Variants in KCNIP4 observed in about 807,000 individuals in gnomAD.
KCNIP4 encodes Kv channel-interacting protein 4.
A neutral mutation model predicts 34.0 loss-of-function variants in KCNIP4; 12 were observed. That is an observed-to-expected ratio of 0.35 (90% CI 0.23 to 0.57). The LOEUF (loss-of-function observed/expected upper bound fraction) is 0.57, where lower values mean the gene tolerates loss of function less well. KCNIP4 is among the 20% of genes least tolerant of loss of function. The probability of loss-of-function intolerance (pLI) is 0.83; values close to 1 mark genes in which losing one functional copy is unlikely to be tolerated. For synonymous variants in KCNIP4, 124 were observed against 102.2 expected (o/e 1.21, Z -1.29); for missense variants, 238 against 311.7 (o/e 0.76, Z 1.78).
rs561780416 is a variant in KCNIP4 at position 21,578,937 on chromosome 4, T to C, written c.61+369634A>G. 5.3e-5 allele frequency among the ~76,000 whole-genome samples: 8 copies of C among 152,290 alleles called. No individual in the cohort carries two copies. In the South Asian group the frequency reaches 1.7e-3, roughly 32 times the overall value. On this transcript the variant is annotated intron_variant, in intron 1 of 8. Transcript: ENST00000382152. ...GCATGCTGCAGGTGCTTAACAAATATCAGTAGAATGACAGACTCGGTCAAT... is the reference window on the plus strand; with the variant it reads ...GCATGCTGCAGGTGCTTAACAAATACCAGTAGAATGACAGACTCGGTCAAT...
At chr4:20,958,034 C>G (rs545706486) in intron 1 of KCNIP4, among the ~76,000 whole-genome samples, 2 of 152,182 alleles carry the variant, frequency 1.3e-5, no homozygotes, top group Non-Finnish European at 2.9e-5. Flanking sequence ...TTCAAATCAT[C>G]GAGCCAGGCA....
At chr4:20,900,358 C>T (rs1267251040) in intron 1 of KCNIP4, among the ~76,000 whole-genome samples, 1 of 152,122 alleles carries the variant, frequency 6.6e-6, no homozygotes, top group Non-Finnish European at 1.5e-5. Flanking sequence ...GGAGTGTGTA[C>T]ATTAACCTGG....
chr4:21,170,694 G>T (rs1753960213), intron 1 of KCNIP4, among the ~76,000 whole-genome samples: 1 of 152,094 alleles, frequency 6.6e-6, no homozygotes, highest in African/African-American at 2.4e-5. Context: ...AAGATGAATT[G>T]CTGGGGTTTT....
rs1720285500 is a variant in KCNIP4 at position 21,370,803 on chromosome 4, AT to A, written c.62-488095del. On this transcript the variant is annotated intron_variant, in intron 1 of 8. Coordinates refer to ENST00000382152, the MANE Select transcript of KCNIP4 (RefSeq NM_025221.6). Reference sequence around the variant, plus strand: ...CAGACAGGAGGTCATGGATTGAAATATATATATATATATATATATATATATA... The same window carrying A: ...CAGACAGGAGGTCATGGATTGAAATAATATATATATATATATATATATATA... Among the ~76,000 whole-genome samples the A allele has an allele frequency of 2.7e-3, 11 of 4,028 alleles. No homozygotes were observed. The South Asian group carries it at 0.068, about 25-fold the overall frequency. 2.6% of individuals were successfully genotyped at this position (4,028 alleles called of 152,430 possible).
At chr4:21,650,873 T>C (rs1176734345) in intron 1 of KCNIP4, among the ~76,000 whole-genome samples, 1 of 152,144 alleles carries the variant, frequency 6.6e-6, no homozygotes, top group East Asian at 1.9e-4. Flanking sequence ...TTCTTTGCAA[T>C]TGTAAGACAA....
intron 1 of KCNIP4, among the ~76,000 whole-genome samples, chr4:21,603,181 T>G (rs185205142): frequency 4.5e-4 from 68 of 152,310 alleles, no homozygotes; most frequent in African/African-American, 1.6e-3. Context: ...TGAGCATTTA[T>G]TTACTAACTT....
At chr4:21,834,600 A>C (rs1723201517) in intron 1 of KCNIP4, among the ~76,000 whole-genome samples, 1 of 152,070 alleles carries the variant, frequency 6.6e-6, no homozygotes. Context: ...CTCTTGCCTA[A>C]TTGCCCTGGC....
chr4:21,286,548 T>C (rs974410812), intron 1 of KCNIP4, among the ~76,000 whole-genome samples: 3 of 152,174 alleles, frequency 2.0e-5, no homozygotes, highest in Non-Finnish European at 4.4e-5. Context: ...TTTTAAACTA[T>C]AGCCAGAAAC....
chr4:21,588,179 T>G (rs1741797769), intron 1 of KCNIP4, among the ~76,000 whole-genome samples: 2 of 152,062 alleles, frequency 1.3e-5, no homozygotes, highest in Admixed American at 1.3e-4. Context: ...ACCAACATTA[T>G]TTTTCTTTTA....
intron 1 of KCNIP4, among the ~76,000 whole-genome samples, chr4:21,271,667 C>A (rs1762150453): frequency 6.6e-6 from 1 of 152,042 alleles, no homozygotes; most frequent in African/African-American, 2.4e-5. Context: ...CCCCCAGGTG[C>A]TTTGGGGCTA....
At chr4:21,111,504 CCTT>C (rs1352316680) in intron 1 of KCNIP4, among the ~76,000 whole-genome samples, 1 of 152,180 alleles carries the variant, frequency 6.6e-6, no homozygotes, top group Admixed American at 6.5e-5. Flanking sequence ...CCTTTGAAGT[CCTT>C]CTCATCTAGA....
At chr4:21,370,802 TA>T (rs1388894767) in intron 1 of KCNIP4, among the ~76,000 whole-genome samples, 1 of 4,150 alleles carries the variant, frequency 2.4e-4, no homozygotes, top group African/African-American at 1.5e-3. Context: ...TGGATTGAAA[TA>T]TATATATATA....
At chr4:21,212,412 G>A in intron 1 of KCNIP4, among the ~76,000 whole-genome samples, 1 of 152,072 alleles carries the variant, frequency 6.6e-6, no homozygotes, top group East Asian at 1.9e-4. Flanking sequence ...GTCTCCCTTT[G>A]TGTTATTACA....
chr4:21,219,190 T>C lies in KCNIP4; in HGVS notation c.62-336481A>G, dbSNP rs182897931. Among the ~76,000 whole-genome samples, 16 of 152,186 alleles carry C rather than the reference T, an allele frequency of 1.1e-4. No homozygotes were observed. In the East Asian group the frequency reaches 2.7e-3, roughly 26 times the overall value. The stretch of plus-strand genomic sequence containing the variant: ...TGTGGCTGGGGTTCTGATGGGTCCA[T>C]GTATGGAAGATCTCTGAAACTTAGC... On this transcript the variant is annotated intron_variant, in intron 1 of 8. Coordinates refer to ENST00000382152, the MANE Select transcript of KCNIP4 (RefSeq NM_025221.6).
At chr4:21,253,550 G>A (rs951140065) in intron 1 of KCNIP4, among the ~76,000 whole-genome samples, 1 of 152,138 alleles carries the variant, frequency 6.6e-6, no homozygotes, top group African/African-American at 2.4e-5. Flanking sequence ...CCCTATAGAG[G>A]AATGTTCCAT....
chr4:20,990,552 G>T (rs1437682867), intron 1 of KCNIP4, among the ~76,000 whole-genome samples: 1 of 152,172 alleles, frequency 6.6e-6, no homozygotes, highest in African/African-American at 2.4e-5. Context: ...AATGTATCTT[G>T]AAAATAGTCC....
intron 1 of KCNIP4, among the ~76,000 whole-genome samples, chr4:21,203,037 G>T (rs1435975392): frequency 6.6e-6 from 1 of 152,156 alleles, no homozygotes; most frequent in East Asian, 1.9e-4. Flanking sequence ...CACAAATAAC[G>T]AATACTTGGC....
chr4:21,783,289 T>G (rs1719688435), intron 1 of KCNIP4, among the ~76,000 whole-genome samples: 1 of 152,064 alleles, frequency 6.6e-6, no homozygotes, highest in African/African-American at 2.4e-5. Context: ...GTATTCAAAT[T>G]AAATGGTTAA....
At chr4:20,913,706 T>C (rs376768194) in intron 1 of KCNIP4, among the ~76,000 whole-genome samples, 1 of 152,226 alleles carries the variant, frequency 6.6e-6, no homozygotes, top group South Asian at 2.1e-4. Context: ...AGAATGAATG[T>C]CTTTCTTAAA....
Sources: gnomAD v4.1 joint callset for allele counts (sites outside exome capture counted in the v4.1 genomes callset) on GRCh38, gnomAD v4.1.1 for gene constraint, MANE v1.5 for transcripts, NCBI Gene and HGNC (gene_info 2026-07-23, HGNC 2026-07-21) for gene names.